STXBP5: variants seen among roughly 807,000 people sequenced by gnomAD.
STXBP5 encodes the protein syntaxin binding protein 5, also known as syntaxin-binding protein 5.
Under a neutral mutation model 152.4 loss-of-function variants are expected in STXBP5, and 50 were observed. The ratio of observed to expected loss-of-function variants is 0.33; its 90% CI spans 0.26 to 0.42. The LOEUF is 0.42. STXBP5 is among the 10% of genes least tolerant of loss of function. The pLI, the probability that STXBP5 is intolerant of heterozygous loss-of-function variation, is 1.00. For synonymous variants in STXBP5, 492 were observed against 494.7 expected (o/e 0.99, Z 0.07); for missense variants, 1,167 against 1,388.6 (o/e 0.84, Z 2.54).
chr6:147,249,044 C>G (rs1373416126), intron 4 of STXBP5, among the ~76,000 whole-genome samples: 1 of 152,174 alleles, frequency 6.6e-6, no homozygotes, highest in African/African-American at 2.4e-5. Context: ...ATGCTGAATT[C>G]AGCTAGCAAC....
chr6:147,312,156 G>A (rs1782413006), intron 11 of STXBP5, among the ~76,000 whole-genome samples: 3 of 152,040 alleles, frequency 2.0e-5, no homozygotes, highest in Admixed American at 2.0e-4. Flanking sequence ...TTGTTTCACT[G>A]CCATAAAACT....
chr6:147,337,214 C>CACACACACACACACACACGA (rs150169446), intron 19 of STXBP5, among the ~76,000 whole-genome samples: 2 of 147,270 alleles, frequency 1.4e-5, no homozygotes, highest in Non-Finnish European at 3.0e-5. Context: ...CACACACACA[C>CACACACACACACACACACGA]AAGAAGTCAT....
At chr6:147,267,233 CTT>C in intron 7 of STXBP5, 66 bp downstream of exon 7, 1 of 1,364,938 alleles carries the variant, frequency 7.3e-7, no homozygotes, top group Non-Finnish European at 1.0e-6. Flanking sequence ...TCTCTAAAAA[CTT>C]AATTGGTAAT....
In STXBP5 at chr6:147,262,345, G is replaced by A. The variant is rs367614502; in HGVS notation, c.622G>A (p.Glu208Lys). ...VVHISDNPMDEGKLLIGFESG... is the reference protein window; with the variant it reads ...VVHISDNPMDKGKLLIGFESG... ...CCATATAAGTGATAATCCAATGGAC[G>A]AGGGAAAGGTAGAATTTTTTGTAAA... The change falls in exon 6 of 28, where the codon GAG (glutamate) becomes AAG (lysine). Residue 208 changes from glutamate to lysine, a missense_variant. By Grantham distance (56) the Glu-to-Lys change is moderately conservative. This residue lies in a region of STXBP5 where 310 missense variants were observed against 346.1 expected (regional missense o/e 0.90). Coordinates refer to ENST00000321680, the MANE Select transcript of STXBP5 (RefSeq NM_001127715.4). The A allele has an allele frequency of 2.5e-5, 39 of 1,561,912 alleles. No individual in the cohort carries two copies. In the African/African-American group the frequency reaches 3.5e-4, roughly 14 times the overall value.
rs1011370151 is a variant in STXBP5, at chr6:147,388,314, A to T, written c.*3559A>T. On this transcript the variant is annotated 3_prime_UTR_variant, in exon 28 of 28. Coordinates refer to ENST00000321680, the MANE Select transcript of STXBP5 (RefSeq NM_001127715.4). ...TTAATAGGGTTTTATATAGATTTAA[A>T]AAATAGTAAAATAATCTGCTGTATG... 1.3e-5 allele frequency: 2 copies of T among 151,750 alleles called. No homozygotes were observed. Among genetic ancestry groups the T allele is most frequent in the African/African-American group, 4.8e-5 (2 of 41,432 alleles). 9.4% of individuals were successfully genotyped at this position (151,750 alleles called of 1,614,324 possible).
intron 16 of STXBP5, among the ~76,000 whole-genome samples, chr6:147,318,937 T>G (rs1165084080): frequency 6.6e-6 from 1 of 152,182 alleles, no homozygotes; most frequent in Non-Finnish European, 1.5e-5. Context: ...CTTAACGTGA[T>G]TTTGTCACAG....
chr6:147,240,492 A>T (rs1274989229), intron 4 of STXBP5, among the ~76,000 whole-genome samples: 1 of 152,184 alleles, frequency 6.6e-6, no homozygotes, highest in African/African-American at 2.4e-5. Context: ...TCTTATAGGA[A>T]TACCAAAATG....
At chr6:147,362,730 G>A (rs1785119990) in intron 23 of STXBP5, among the ~76,000 whole-genome samples, 1 of 152,100 alleles carries the variant, frequency 6.6e-6, no homozygotes. Flanking sequence ...AAAAACAGGT[G>A]AAATTAATTT....
intron 9 of STXBP5, among the ~76,000 whole-genome samples, chr6:147,300,941 C>T (rs1781779323): frequency 2.0e-5 from 3 of 151,266 alleles, no homozygotes; most frequent in Admixed American, 1.3e-4. Context: ...ATATAAGGAA[C>T]TCAGTTCAAT....
intron 9 of STXBP5, among the ~76,000 whole-genome samples, chr6:147,299,802 G>A (rs1466510420): frequency 2.0e-5 from 3 of 151,980 alleles, no homozygotes; most frequent in Non-Finnish European, 4.4e-5. Context: ...GTCCAACATA[G>A]TACTGGAAGT....
chr6:147,328,362 A>T (rs1015869069), intron 18 of STXBP5, among the ~76,000 whole-genome samples: 1 of 152,200 alleles, frequency 6.6e-6, no homozygotes, highest in African/African-American at 2.4e-5. Context: ...ACCAGTGTGT[A>T]TTGAAACACC....
intron 4 of STXBP5, among the ~76,000 whole-genome samples, chr6:147,250,919 G>T (rs991814305): frequency 7.6e-6 from 1 of 131,982 alleles, no homozygotes; most frequent in Non-Finnish European, 1.5e-5. Flanking sequence ...AGCAAGCTGA[G>T]ATCACATCAC....
intron 25 of STXBP5, among the ~76,000 whole-genome samples, chr6:147,369,548 G>A (rs929093085): frequency 6.6e-6 from 1 of 151,816 alleles, no homozygotes; most frequent in African/African-American, 2.4e-5. Flanking sequence ...AAGAAAATCT[G>A]GGCAAAACAT....
At chr6:147,362,626 T>C (rs189980770) in intron 23 of STXBP5, among the ~76,000 whole-genome samples, 100 of 152,334 alleles carry the variant, frequency 6.6e-4, no homozygotes, top group Non-Finnish European at 1.2e-3. Context: ...GAATTTTTTT[T>C]CATTGGCCAT....
intron 26 of STXBP5, among the ~76,000 whole-genome samples, chr6:147,376,971 CATTA>C (rs1161297746): frequency 6.6e-6 from 1 of 152,050 alleles, no homozygotes; most frequent in Non-Finnish European, 1.5e-5. Context: ...AAAAATTAGA[CATTA>C]AGGCATTATT....
chr6:147,324,996 C>A lies in STXBP5; in HGVS notation c.1840C>A (p.Gln614Lys). 1 of 1,596,194 alleles carries A rather than the reference C, an allele frequency of 6.3e-7. No individual in the cohort carries two copies. The highest frequency in any genetic ancestry group is 8.6e-7 in the Non-Finnish European group (1 of 1,169,174). Residue 614 changes from glutamine (Q) to lysine (K), a missense_variant, in exon 17 of 28, where the codon CAA becomes AAA. Physicochemically the swap from Gln to Lys is moderately conservative, Grantham distance 53. This residue lies in a region of STXBP5 where 833 missense variants were observed against 986.3 expected (regional missense o/e 0.84). Coordinates refer to ENST00000321680, the MANE Select transcript of STXBP5 (RefSeq NM_001127715.4). ...ACCACTTAAACAGTCTCCAGGTTATCAAACAGAACTAGTTATTCAGTTGGT... is the reference window on the plus strand; with the variant it reads ...ACCACTTAAACAGTCTCCAGGTTATAAAACAGAACTAGTTATTCAGTTGGT... ...NSPLKQSPGYQTELVIQLVWV... is the reference protein window; with the variant it reads ...NSPLKQSPGYKTELVIQLVWV...
At chr6:147,238,751 C>G (rs1328833652) in intron 3 of STXBP5, among the ~76,000 whole-genome samples, 2 of 152,106 alleles carry the variant, frequency 1.3e-5, no homozygotes, top group Non-Finnish European at 2.9e-5. Flanking sequence ...GGGTATAGTA[C>G]TTCCATAAGA....
chr6:147,205,870 A>C, intron 1 of STXBP5, 101 bp from the exon 2 acceptor site: 1 of 796,714 alleles, frequency 1.3e-6, no homozygotes, highest in East Asian at 2.5e-5. Flanking sequence ...TGTGTTTTGC[A>C]TCAGTGGTAG....
chr6:147,337,647 T>G (rs1783896545), intron 19 of STXBP5, among the ~76,000 whole-genome samples: 1 of 152,042 alleles, frequency 6.6e-6, no homozygotes, highest in South Asian at 2.1e-4. Context: ...TAATACATTT[T>G]TGTACATTCA....
Sources: allele counts gnomAD v4.1 joint callset (sites outside exome capture counted in the v4.1 genomes callset), GRCh38; gene constraint gnomAD v4.1.1; regional missense constraint gnomAD v4.1.1; transcripts MANE v1.5; gene names NCBI Gene and HGNC (gene_info 2026-07-23, HGNC 2026-07-21).